The following PIGG variants were observed in gnomAD, a reference collection of about 807,000 sequenced individuals.
PIGG encodes phosphatidylinositol glycan anchor biosynthesis class G (EMM blood group).
In PIGG, 70 loss-of-function variants were observed where a neutral mutation model predicts 83.2. That is an observed-to-expected ratio of 0.84 (90% CI 0.69 to 1.03). The LOEUF (loss-of-function observed/expected upper bound fraction) is 1.03. PIGG is among the 50% of genes least tolerant of loss of function. The pLI is 0.00. For synonymous variants in PIGG, 532 were observed against 519.5 expected, an observed-to-expected ratio of 1.02 and a Z score of -0.33; for missense variants, 1,257 against 1,233.6, an observed-to-expected ratio of 1.02 and a Z score of -0.28.
chr4:500,810 C>T (rs1216064402), intron 2 of PIGG, among the ~76,000 whole-genome samples: 1 of 152,188 alleles, frequency 6.6e-6, no homozygotes, highest in African/African-American at 2.4e-5. Flanking sequence ...AGCCAAAGCT[C>T]ATGCTTCATG....
At position 527,176 on chromosome 4, in the gene PIGG, C is replaced by A. The variant is rs745563663; in HGVS notation, c.2207C>A (p.Ala736Glu). 3 of 1,613,182 alleles carry A rather than the reference C, an allele frequency of 1.9e-6. No individual in the cohort carries two copies. The highest frequency in any genetic ancestry group is 1.7e-5 in the Admixed American group (1 of 59,894). The change falls in exon 10 of 13, where the codon GCG (alanine) becomes GAG (glutamate). Residue 736 changes from alanine to glutamate, a missense_variant. Physicochemically the swap from Ala to Glu is moderately radical, Grantham distance 107. Coordinates refer to ENST00000453061, the MANE Select transcript of PIGG (RefSeq NM_001127178.3). The stretch of plus-strand genomic sequence containing the variant: ...CTGCTGGGCGTCTACTGCTACCGGG[C>A]GGCCATCGGGAGTGTCCGGTTCCCG... Reference protein sequence around the residue: ...LGLLGVYCYRAAIGSVRFPWR... With the variant: ...LGLLGVYCYREAIGSVRFPWR...
chr4:523,509 G>A lies in PIGG; in HGVS notation c.1665G>A (p.Leu555=), dbSNP rs759036009. ...GGTCAGAGCTAGACCTTCTTATTCT[G>A]TTGGGGACGGCGGGCCACGTCTTGA... ...SRWSELDLLI[L]LGTAGHVLSL... is the part of the protein sequence containing the mutation. The change falls in exon 9 of 13, where the codon CTG becomes CTA. Residue 555 remains leucine (L), a synonymous_variant. Coordinates refer to ENST00000453061, the MANE Select transcript of PIGG (RefSeq NM_001127178.3). The A allele has an allele frequency of 3.1e-6, 5 of 1,614,070 alleles. No homozygotes were observed. The highest frequency in any genetic ancestry group is 4.2e-6 in the Non-Finnish European group (5 of 1,180,048).
At chr4:507,329 CTG>C in intron 3 of PIGG, 74 bp from the exon 4 acceptor site, 1 of 1,143,566 alleles carries the variant, frequency 8.7e-7, no homozygotes, top group Non-Finnish European at 1.3e-6. Context: ...TTTAAGATGA[CTG>C]TTGCGTTTTC....
At position 500,409 on chromosome 4, in the gene PIGG, C is replaced by T. The variant is rs1486144973; in HGVS notation, c.168C>T (p.Asn56=). 1 of 1,613,518 alleles carries T rather than the reference C, an allele frequency of 6.2e-7. No homozygotes were observed. The highest frequency in any genetic ancestry group is 1.3e-5 in the African/African-American group (1 of 74,986). Residue 56 remains asparagine, a synonymous_variant, in exon 2 of 13, where the codon AAC becomes AAT. Coordinates refer to ENST00000453061, the MANE Select transcript of PIGG (RefSeq NM_001127178.3). ...TCAAACACTTAGGAGCCAGTTCTAA[C>T]TGGACCACGCTGCCACCACCTCTCT... The part of the protein sequence containing the change: ...APEPSAGASS[N]WTTLPPPLFS...
chr4:533,885 A>T lies in PIGG; in HGVS notation c.2639A>T (p.Glu880Val), dbSNP rs1441253125. The change falls in exon 12 of 13, where the codon GAA (glutamate) becomes GTA (valine). Residue 880 changes from glutamate to valine, a missense_variant. Transcript: ENST00000453061. Reference protein sequence around the residue: ...AGFVGLDTYVEIPAVLLTAFG... With the variant: ...AGFVGLDTYVVIPAVLLTAFG... The stretch of plus-strand genomic sequence containing the variant: ...TTCGTGGGCTTAGACACCTACGTGG[A>T]AATCCCAGCCGTGCTCCTGACAGCG... 1 of 1,614,192 alleles carries T rather than the reference A, an allele frequency of 6.2e-7. No individual in the cohort carries two copies. Among genetic ancestry groups the T allele is most frequent in the East Asian group, 2.2e-5 (1 of 44,872 alleles).
intron 12 of PIGG, among the ~76,000 whole-genome samples, chr4:535,626 G>A (rs557456925): frequency 2.0e-3 from 309 of 152,246 alleles, no homozygotes; most frequent in Non-Finnish European, 3.2e-3. Context: ...GGGCTCCTAC[G>A]TCCTCCCATG....
intron 5 of PIGG, among the ~76,000 whole-genome samples, chr4:513,210 C>G (rs930094832): frequency 1.3e-5 from 2 of 152,188 alleles, no homozygotes; most frequent in African/African-American, 4.8e-5. Flanking sequence ...AAATGTTTAC[C>G]ACTTATGCTT....
intron 6 of PIGG, among the ~76,000 whole-genome samples, chr4:519,445 G>T (rs1413829799): frequency 6.6e-6 from 1 of 152,244 alleles, no homozygotes; most frequent in Non-Finnish European, 1.5e-5. Flanking sequence ...CATCCAGGGT[G>T]GTAGGTGTAG....
chr4:519,788 G>T (rs1725194141), intron 6 of PIGG, among the ~76,000 whole-genome samples: 1 of 96,468 alleles, frequency 1.0e-5, no homozygotes, highest in Non-Finnish European at 2.0e-5. Flanking sequence ...TCAGGGACCT[G>T]GTGCCGGCAG....
Position 530,476 on chromosome 4 carries a change from G to C in PIGG, c.2302G>C (p.Gly768Arg), listed in dbSNP as rs35206248. ...EARFVYVFVL[G>R]ILFTGTKDLL... ...TCGTTTTGTTTATGTCTTTGTCCTT[G>C]GCATTCTGTTCACGGGCACCAAAGA... Residue 768 changes from glycine (G) to arginine (R), a missense_variant, in exon 11 of 13, where the codon GGC becomes CGC. Transcript: ENST00000453061. 64 of 1,613,646 alleles carry C rather than the reference G, an allele frequency of 4.0e-5. No individual in the cohort carries two copies. Among genetic ancestry groups the C allele is most frequent in the Middle Eastern group, 1.6e-4 (1 of 6,082 alleles).
rs1353373926 is a variant in PIGG, at chr4:528,770, T to C, written c.2261+1540T>C. ...ACTCATCTCAAGACCTTGGCCCTCT[T>C]CCCTTTCCTGGCCTGCTTCCTGCAG... On this transcript the variant is annotated intron_variant, in intron 10 of 12. Transcript: ENST00000453061. The surrounding 1 kb of genome is among the most constrained non-coding windows in gnomAD (Gnocchi z 4.8). 7.2e-6 allele frequency: 7 copies of C among 976,106 alleles called. No individual in the cohort carries two copies. Among genetic ancestry groups the C allele is most frequent in the African/African-American group, 7.0e-5 (4 of 57,126 alleles). The allele number at this position is 976,106 out of a possible 1,614,324, so 60.5% of individuals were successfully genotyped here. A position where few individuals can be genotyped will look rare whatever the true frequency, so the allele number is the denominator to read the frequency against.
In PIGG at chr4:519,330, C is replaced by T. The variant is rs189503257; in HGVS notation, c.1115-1726C>T. ...ACAGCGCCTGGCACAGTGCCTGGCACGTCGTCCACGCTCCATGGATATTTG... is the reference window on the plus strand; with the variant it reads ...ACAGCGCCTGGCACAGTGCCTGGCATGTCGTCCACGCTCCATGGATATTTG... On this transcript the variant is annotated intron_variant, in intron 6 of 12. Coordinates refer to ENST00000453061, the MANE Select transcript of PIGG (RefSeq NM_001127178.3). Among the ~76,000 whole-genome samples the T allele has an allele frequency of 3.9e-4, 60 of 152,304 alleles. No individual in the cohort carries two copies. In the East Asian group the frequency reaches 9.1e-3, roughly 23 times the overall value.
At chr4:512,772 A>G (rs1017051967) in intron 5 of PIGG, among the ~76,000 whole-genome samples, 27 of 152,140 alleles carry the variant, frequency 1.8e-4, no homozygotes, top group Non-Finnish European at 3.1e-4. Context: ...CCGAGATCGC[A>G]CCACTGCACT....
Position 499,412 on chromosome 4 carries a change from G to T in PIGG, c.77G>T (p.Gly26Val), listed in dbSNP as rs530918336. Residue 26 changes from glycine (G) to valine (V), a missense_variant, in exon 1 of 13, where the codon GGA (glycine) becomes GTA (valine). Gly to Val is a moderately radical substitution (Grantham distance 109). Coordinates refer to ENST00000453061, the MANE Select transcript of PIGG (RefSeq NM_001127178.3). ...CTAGGGATCGCGGTCTTCCTTCGGG[G>T]ATTCTTCCCGGCTCCCGTTCGTTCC... ...EVLGIAVFLR[G>V]FFPAPVRSSA... 9 of 1,608,900 alleles carry T rather than the reference G, an allele frequency of 5.6e-6. No individual in the cohort carries two copies. The South Asian group carries it at 6.6e-5, about 12-fold the overall frequency.
chr4:513,602 T>C (rs538926017), intron 5 of PIGG, among the ~76,000 whole-genome samples: 37 of 152,202 alleles, frequency 2.4e-4, no homozygotes, highest in Non-Finnish European at 4.9e-4. Flanking sequence ...GTTCCCCTGG[T>C]ACCTGGCACC....
At chr4:504,725 G>A (rs544713047) in intron 2 of PIGG, among the ~76,000 whole-genome samples, 20 of 152,204 alleles carry the variant, frequency 1.3e-4, no homozygotes, top group Non-Finnish European at 2.6e-4. Context: ...TGCTGGCTGG[G>A]GTGGCTGTAT....
chr4:513,000 T>C (rs186917459), intron 5 of PIGG, among the ~76,000 whole-genome samples: 182 of 152,278 alleles, frequency 1.2e-3, no homozygotes, highest in African/African-American at 4.1e-3. Flanking sequence ...CTCTGTGTTC[T>C]GGGCTGCACC....
intron 8 of PIGG, chr4:522,409 A>C (rs972629114): frequency 4.2e-6 from 1 of 237,396 alleles, no homozygotes; most frequent in African/African-American, 2.3e-5. Context: ...CTGCCTCATC[A>C]GGTCCAGATT....
rs1553873886 is a variant in PIGG, at chr4:499,308, G to A, written c.-28G>A. On this transcript the variant is annotated 5_prime_UTR_variant, in exon 1 of 13. Transcript: ENST00000453061. ...CAGGGCGAGGCTCCAGGTGGGGTCG[G>A]TTCCGCATCCAGCCTAGCGTGTCCA... The A allele has an allele frequency of 6.2e-7, 1 of 1,600,794 alleles. No individual in the cohort carries two copies. Among genetic ancestry groups the A allele is most frequent in the East Asian group, 2.2e-5 (1 of 44,710 alleles).
Sources: allele counts gnomAD v4.1 joint callset (sites outside exome capture counted in the v4.1 genomes callset), GRCh38; gene constraint gnomAD v4.1.1; non-coding constraint Gnocchi (gnomAD v3.1); transcripts MANE v1.5; gene names NCBI Gene and HGNC (gene_info 2026-07-23, HGNC 2026-07-21).